The following GALNTL6 variants were observed in gnomAD, a reference collection of about 807,000 sequenced individuals.
GALNTL6 encodes the protein polypeptide N-acetylgalactosaminyltransferase like 6.
In GALNTL6, 46 loss-of-function variants were observed where a neutral mutation model predicts 73.7. The observed-to-expected ratio is 0.62, with a 90% CI of 0.49 to 0.80. GALNTL6 has a LOEUF of 0.80. GALNTL6 is among the 30% of genes least tolerant of loss of function. GALNTL6 has a pLI of 0.00. For synonymous variants in GALNTL6, 259 were observed against 263.7 expected (o/e 0.98, Z 0.17); for missense variants, 604 against 755.0 (o/e 0.80, Z 2.34).
intron 3 of GALNTL6, among the ~76,000 whole-genome samples, chr4:172,304,524 G>C (rs1251502296): frequency 6.6e-6 from 1 of 152,108 alleles, no homozygotes; most frequent in African/African-American, 2.4e-5. Context: ...TCATATTTGA[G>C]CAGAGGTCTG....
At chr4:172,844,283 GAAATCTCA>G (rs1438174659) in intron 7 of GALNTL6, among the ~76,000 whole-genome samples, 1 of 152,154 alleles carries the variant, frequency 6.6e-6, no homozygotes, top group Non-Finnish European at 1.5e-5. Flanking sequence ...GCTGACCTTT[GAAATCTCA>G]AAATCTCTTC....
At chr4:172,492,720 T>C (rs1285708109) in intron 5 of GALNTL6, among the ~76,000 whole-genome samples, 1 of 152,132 alleles carries the variant, frequency 6.6e-6, no homozygotes, top group African/African-American at 2.4e-5. Flanking sequence ...AATTCTAAAA[T>C]GGAGATGGTA....
intron 7 of GALNTL6, among the ~76,000 whole-genome samples, chr4:172,821,410 T>G (rs1741919160): frequency 6.6e-6 from 1 of 152,200 alleles, no homozygotes; most frequent in South Asian, 2.1e-4. Flanking sequence ...TTACTCTCCT[T>G]GTAAGAGAAA....
chr4:172,781,419 T>G (rs1239122607), intron 5 of GALNTL6, among the ~76,000 whole-genome samples: 1 of 152,216 alleles, frequency 6.6e-6, no homozygotes, highest in Non-Finnish European at 1.5e-5. Context: ...ATATCATATC[T>G]GGATTACAGC....
intron 4 of GALNTL6, among the ~76,000 whole-genome samples, chr4:172,335,366 C>T (rs554791788): frequency 6.6e-6 from 1 of 152,292 alleles, no homozygotes; most frequent in African/African-American, 2.4e-5. Context: ...AGAATCTTTG[C>T]ATCTATGTTC....
At chr4:172,152,763 G>A (rs935302082) in intron 2 of GALNTL6, among the ~76,000 whole-genome samples, 1 of 151,996 alleles carries the variant, frequency 6.6e-6, no homozygotes, top group Admixed American at 6.6e-5. Context: ...CACCCACCAC[G>A]ACGACAAGCT....
chr4:172,305,217 GA>G (rs1272683206), intron 3 of GALNTL6, among the ~76,000 whole-genome samples: 1 of 152,002 alleles, frequency 6.6e-6, no homozygotes, highest in Non-Finnish European at 1.5e-5. Flanking sequence ...TAGCCAGGGG[GA>G]AAAATGCCAG....
intron 2 of GALNTL6, among the ~76,000 whole-genome samples, chr4:172,227,018 T>C (rs28684395): frequency 0.014 from 2,181 of 152,272 alleles, 57 homozygotes; most frequent in African/African-American, 0.05. Flanking sequence ...TTCTTTTTGG[T>C]CTCTTAATTA....
intron 11 of GALNTL6, among the ~76,000 whole-genome samples, chr4:173,012,843 A>G (rs895080020): frequency 5.9e-5 from 9 of 152,110 alleles, no homozygotes; most frequent in Non-Finnish European, 1.3e-4. Context: ...ATTCACTCAA[A>G]TGCGCCCTGC....
intron 10 of GALNTL6, among the ~76,000 whole-genome samples, chr4:172,952,979 T>C (rs1749534231): frequency 6.6e-6 from 1 of 152,220 alleles, no homozygotes; most frequent in Non-Finnish European, 1.5e-5. Flanking sequence ...TTGCTGCTAT[T>C]GGTATATGCA....
intron 2 of GALNTL6, among the ~76,000 whole-genome samples, chr4:171,826,018 G>A (rs2110813982): frequency 6.6e-6 from 1 of 152,248 alleles, no homozygotes. Context: ...TAGCTTAGTT[G>A]TGTCACCTTA....
chr4:171,949,563 T>C (rs572620711), intron 2 of GALNTL6, among the ~76,000 whole-genome samples: 14 of 152,186 alleles, frequency 9.2e-5, no homozygotes, highest in Middle Eastern at 6.8e-3. Context: ...GGGCAGAAAG[T>C]AGATTGAGGT....
At chr4:172,529,498 A>G (rs187330992) in intron 5 of GALNTL6, among the ~76,000 whole-genome samples, 20 of 152,190 alleles carry the variant, frequency 1.3e-4, no homozygotes, top group Non-Finnish European at 2.6e-4. Flanking sequence ...GTGCAATATC[A>G]TAGAATGTTT....
At chr4:172,898,869 G>A (rs1181991576) in intron 8 of GALNTL6, among the ~76,000 whole-genome samples, 8 of 152,110 alleles carry the variant, frequency 5.3e-5, no homozygotes, top group Non-Finnish European at 1.2e-4. Flanking sequence ...TGCATTCCAG[G>A]CCTGGTAGTT....
At chr4:172,737,981 A>T (rs1461792918) in intron 5 of GALNTL6, among the ~76,000 whole-genome samples, 6 of 152,134 alleles carry the variant, frequency 3.9e-5, no homozygotes, top group Non-Finnish European at 1.5e-5. Context: ...AGCTGCTCTT[A>T]GTTAGACTCT....
chr4:172,105,614 T>A (rs1732654274), intron 2 of GALNTL6, among the ~76,000 whole-genome samples: 1 of 151,972 alleles, frequency 6.6e-6, no homozygotes. Context: ...AAAACACAGA[T>A]TATCTACAAA....
intron 3 of GALNTL6, among the ~76,000 whole-genome samples, chr4:172,240,625 G>C (rs1337419328): frequency 6.6e-6 from 1 of 152,152 alleles, no homozygotes; most frequent in East Asian, 1.9e-4. Flanking sequence ...TCTTTCCACA[G>C]TTTGGTCTAT....
At chr4:172,545,202 G>A (rs766189904) in intron 5 of GALNTL6, among the ~76,000 whole-genome samples, 2 of 151,170 alleles carry the variant, frequency 1.3e-5, no homozygotes, top group African/African-American at 4.9e-5. Context: ...ATAATGGGGT[G>A]GGGGGGTAAC....
chr4:173,038,012 G>A (rs996942955), intron 12 of GALNTL6, among the ~76,000 whole-genome samples: 1 of 152,174 alleles, frequency 6.6e-6, no homozygotes, highest in East Asian at 1.9e-4. Context: ...CAAAGTGCTG[G>A]AATCACAGGC....
Sources: allele counts gnomAD v4.1 joint callset (sites outside exome capture counted in the v4.1 genomes callset), GRCh38; gene constraint gnomAD v4.1.1; transcripts MANE v1.5; gene names NCBI Gene and HGNC (gene_info 2026-07-23, HGNC 2026-07-21).